TRPM6: variants seen among roughly 807,000 people sequenced by gnomAD.
TRPM6 encodes transient receptor potential cation channel subfamily M member 6.
A neutral mutation model predicts 247.6 loss-of-function variants in TRPM6; 111 were observed. The ratio of observed to expected loss-of-function variants is 0.45; its 90% confidence interval spans 0.38 to 0.52. TRPM6 has a LOEUF of 0.52. Among genes scored for constraint, TRPM6 ranks in the 20% least tolerant of loss-of-function variants. The pLI is 0.00. For missense variants in TRPM6, 2,126 were observed against 2,421.5 expected (o/e 0.88, Z 2.56); for synonymous variants, 892 against 853.8 (o/e 1.04, Z -0.78).
chr9:74,863,752 T>C (rs527428424), intron 1 of TRPM6, among the ~76,000 whole-genome samples: 1 of 151,700 alleles, frequency 6.6e-6, no homozygotes, highest in Non-Finnish European at 1.5e-5. Context: ...CCCGGCTAAT[T>C]TTTTTTTGTA....
At position 74,802,034 on chromosome 9, in the gene TRPM6, T is replaced by C. The variant is rs1177390467; in HGVS notation, c.1873A>G (p.Met625Val). 6 of 1,614,170 alleles carry C rather than the reference T, an allele frequency of 3.7e-6. No homozygotes were observed. The East Asian group carries it at 1.1e-4, about 30-fold the overall frequency. Residue 625 changes from methionine (M) to valine (V), a missense_variant, in exon 16 of 39, where the codon ATG (methionine) becomes GTG (valine). Around this residue, in one of 3 missense-constraint regions of TRPM6, gnomAD observed 1,082 missense variants for 1,307.9 expected, o/e 0.83. Coordinates refer to ENST00000360774, the MANE Select transcript of TRPM6 (RefSeq NM_017662.5). Reference protein sequence around the residue: ...AVLMKRQKMAMFFWQHGEEAT... With the variant: ...AVLMKRQKMAVFFWQHGEEAT... ...TCCTCTCCATGCTGCCAGAAGAACATAGCCATCTTCTGCCTTTTCATCAGC... is the reference window on the plus strand; with the variant it reads ...TCCTCTCCATGCTGCCAGAAGAACACAGCCATCTTCTGCCTTTTCATCAGC...
chr9:74,806,842 G>T (rs1828542010), intron 14 of TRPM6, among the ~76,000 whole-genome samples: 1 of 152,118 alleles, frequency 6.6e-6, no homozygotes, highest in African/African-American at 2.4e-5. Context: ...AGTTTAATAT[G>T]ACACACAATA....
At chr9:74,774,471 A>G (rs939377662) in intron 24 of TRPM6, among the ~76,000 whole-genome samples, 1 of 151,174 alleles carries the variant, frequency 6.6e-6, no homozygotes, top group African/African-American at 2.5e-5. Context: ...GTCAGGGAGC[A>G]GGGTATGAAA....
chr9:74,886,500 T>A (rs2118559389), intron 1 of TRPM6, among the ~76,000 whole-genome samples: 1 of 151,942 alleles, frequency 6.6e-6, no homozygotes, highest in South Asian at 2.1e-4. Flanking sequence ...ATGTTCTCAG[T>A]GTCTTTTTTT....
intron 1 of TRPM6, among the ~76,000 whole-genome samples, chr9:74,867,825 C>T (rs1003142666): frequency 6.6e-6 from 1 of 151,076 alleles, no homozygotes; most frequent in African/African-American, 2.4e-5. Context: ...ATTGATACCT[C>T]TAAGAATAAT....
At chr9:74,786,275 T>C in intron 20 of TRPM6, 150 bp from the exon 21 acceptor site, 1 of 771,144 alleles carries the variant, frequency 1.3e-6, no homozygotes, top group East Asian at 2.6e-5. Flanking sequence ...AGACTTAAGT[T>C]ATCATCAGTA....
chr9:74,867,635 C>G (rs1419201028), intron 1 of TRPM6, among the ~76,000 whole-genome samples: 1 of 152,104 alleles, frequency 6.6e-6, no homozygotes, highest in East Asian at 1.9e-4. Context: ...AAACTTACAG[C>G]CAACTTTAAT....
At chr9:74,772,272 T>G (rs1197907516) in intron 24 of TRPM6, among the ~76,000 whole-genome samples, 3 of 152,150 alleles carry the variant, frequency 2.0e-5, no homozygotes, top group African/African-American at 7.2e-5. Context: ...AGCGAGACCC[T>G]GTCTCAAAAA....
chr9:74,879,842 T>C (rs1831306043), intron 1 of TRPM6, among the ~76,000 whole-genome samples: 2 of 152,208 alleles, frequency 1.3e-5, no homozygotes, highest in South Asian at 4.1e-4. Context: ...CCCTAAGTTC[T>C]GTGAGCCGCC....
intron 27 of TRPM6, among the ~76,000 whole-genome samples, chr9:74,760,908 T>C (rs73650059): frequency 0.013 from 1,930 of 152,212 alleles, 42 homozygotes; most frequent in African/African-American, 0.044. Flanking sequence ...TATGAAAGCC[T>C]GTTTGGCTCT....
chr9:74,827,676 T>A, intron 7 of TRPM6, 102 bp downstream of exon 7: 1 of 1,261,264 alleles, frequency 7.9e-7, no homozygotes, highest in Non-Finnish European at 1.2e-6. Flanking sequence ...GGAGGCTAGC[T>A]TGAGGGGACT....
chr9:74,793,265 T>G (rs890009874), intron 18 of TRPM6, among the ~76,000 whole-genome samples: 2 of 152,148 alleles, frequency 1.3e-5, no homozygotes, highest in Non-Finnish European at 2.9e-5. Flanking sequence ...ACACATGAGG[T>G]ATTTCTGAAA....
At chr9:74,798,749 TG>T (rs959641792) in intron 17 of TRPM6, among the ~76,000 whole-genome samples, 3 of 152,178 alleles carry the variant, frequency 2.0e-5, no homozygotes, top group African/African-American at 7.2e-5. Flanking sequence ...ATCTAAACAC[TG>T]GAGAAGAATG....
At chr9:74,777,283 G>A (rs1436512942) in intron 23 of TRPM6, among the ~76,000 whole-genome samples, 2 of 152,104 alleles carry the variant, frequency 1.3e-5, no homozygotes. Context: ...TTTAAATTTT[G>A]GGGGTTGGTT....
In TRPM6 at chr9:74,812,564, C is replaced by T. The variant is rs1302170308; in HGVS notation, c.1309-131G>A. 4 of 723,440 alleles carry T rather than the reference C, an allele frequency of 5.5e-6. No homozygotes were observed. The Admixed American group carries it at 9.1e-5, about 16-fold the overall frequency. The allele number at this position is 723,440 out of a possible 1,614,324, so 44.8% of individuals were successfully genotyped here. A position where few individuals can be genotyped will look rare whatever the true frequency, so the allele number is the denominator to read the frequency against. ...AATAAAATCCTGCCATCAGTGGGTA[C>T]AGAAAAAAAAAAAAAAGGAAAAAAT... On this transcript the variant is annotated intron_variant, in intron 11 of 38. Coordinates refer to ENST00000360774, the MANE Select transcript of TRPM6 (RefSeq NM_017662.5).
chr9:74,845,695 T>C (rs1421124532), intron 3 of TRPM6, among the ~76,000 whole-genome samples: 3 of 151,810 alleles, frequency 2.0e-5, no homozygotes, highest in African/African-American at 7.3e-5. Context: ...TAGCCCTGTG[T>C]GGTGGAGCAA....
At chr9:74,872,013 C>T (rs1831045440) in intron 1 of TRPM6, among the ~76,000 whole-genome samples, 2 of 151,980 alleles carry the variant, frequency 1.3e-5, no homozygotes, top group Non-Finnish European at 2.9e-5. Flanking sequence ...CCACCATGCC[C>T]AGCTAATTTT....
intron 36 of TRPM6, chr9:74,737,538 A>C (rs780810808): frequency 1.2e-4 from 84 of 692,834 alleles, no homozygotes; most frequent in Non-Finnish European, 1.7e-4. Context: ...GAAACTCTTA[A>C]AAGAAATAAA....
intron 38 of TRPM6, among the ~76,000 whole-genome samples, chr9:74,727,359 G>A (rs995169135): frequency 1.2e-4 from 18 of 145,890 alleles, no homozygotes; most frequent in Admixed American, 3.5e-4. Context: ...TCCAGCCTGG[G>A]CGACAGAGTG....
Sources: gnomAD v4.1 joint callset for allele counts (sites outside exome capture counted in the v4.1 genomes callset) on GRCh38, gnomAD v4.1.1 for gene constraint, gnomAD v4.1.1 regional missense constraint, MANE v1.5 for transcripts, NCBI Gene and HGNC (gene_info 2026-07-23, HGNC 2026-07-21) for gene names.